VCL: variants seen among roughly 807,000 people sequenced by gnomAD.
VCL encodes epididymis luminal protein 114.
In VCL, 47 loss-of-function variants were observed where a neutral mutation model predicts 125.7. The observed-to-expected ratio is 0.37, with a 90% CI of 0.30 to 0.48. The LOEUF is 0.48. Among genes scored for constraint, VCL ranks in the 20% least tolerant of loss-of-function variants. The pLI, the probability that VCL is intolerant of heterozygous loss-of-function variation, is 0.99. For missense variants in VCL, 1,069 were observed against 1,455.5 expected, an observed-to-expected ratio of 0.73 and a Z score of 4.32; for synonymous variants, 458 against 514.6, an observed-to-expected ratio of 0.89 and a Z score of 1.49.
intron 1 of VCL, among the ~76,000 whole-genome samples, chr10:74,020,046 A>G (rs1840631306): frequency 6.6e-6 from 1 of 151,862 alleles, no homozygotes; most frequent in Non-Finnish European, 1.5e-5. Flanking sequence ...CTGGGCAACA[A>G]GAGTGAAACT....
chr10:74,052,931 G>T (rs1841330243), intron 2 of VCL, among the ~76,000 whole-genome samples: 1 of 91,238 alleles, frequency 1.1e-5, no homozygotes, highest in South Asian at 2.9e-4. Context: ...CTACCTGGCT[G>T]TGATGAAAAA....
At chr10:74,044,467 T>A (rs1412713856) in intron 2 of VCL, among the ~76,000 whole-genome samples, 1 of 152,200 alleles carries the variant, frequency 6.6e-6, no homozygotes, top group Non-Finnish European at 1.5e-5. Context: ...AATAAATATT[T>A]TATTTCAGTC....
chr10:74,005,600 CAT>C (rs1363637669), intron 1 of VCL, among the ~76,000 whole-genome samples: 2 of 152,148 alleles, frequency 1.3e-5, no homozygotes, highest in African/African-American at 4.8e-5. Context: ...AACATTTACT[CAT>C]GTGACTGAGA....
chr10:74,082,407 A>T, intron 6 of VCL, 47 bp from the exon 7 acceptor site: 1 of 1,599,224 alleles, frequency 6.3e-7, no homozygotes, highest in Non-Finnish European at 8.6e-7. Flanking sequence ...CTATCATGGT[A>T]TCTCAACTTT....
intron 18 of VCL, among the ~76,000 whole-genome samples, chr10:74,111,247 G>A (rs1404791907): frequency 6.6e-6 from 1 of 152,122 alleles, no homozygotes; most frequent in Non-Finnish European, 1.5e-5. Flanking sequence ...GTGACAGTGG[G>A]GTACTTAAGT....
At chr10:74,047,658 G>T (rs1841215682) in intron 2 of VCL, among the ~76,000 whole-genome samples, 1 of 152,148 alleles carries the variant, frequency 6.6e-6, no homozygotes, top group Non-Finnish European at 1.5e-5. Flanking sequence ...GTCAAGGCTA[G>T]AGAAAACAGA....
intron 1 of VCL, among the ~76,000 whole-genome samples, chr10:74,017,194 C>T (rs913900912): frequency 2.0e-5 from 3 of 149,958 alleles, no homozygotes; most frequent in Non-Finnish European, 4.4e-5. Flanking sequence ...ACTACAGGCG[C>T]CCGCCACTAC....
At chr10:74,083,260 T>G in intron 7 of VCL, 106 bp from the exon 8 acceptor site, 1 of 1,475,936 alleles carries the variant, frequency 6.8e-7, no homozygotes. Context: ...TTCACTCGTC[T>G]TGTTTAAAAT....
At position 74,057,082 on chromosome 10, in the gene VCL, A is replaced by G. The variant is rs139846143; in HGVS notation, c.240-13588A>G. Among the ~76,000 whole-genome samples the G allele has an allele frequency of 6.6e-3, 1,001 of 152,142 alleles. 12 individuals carry two copies. The highest frequency in any genetic ancestry group is 0.023 in the African/African-American group (951 of 41,510). On this transcript the variant is annotated intron_variant, in intron 2 of 21. Coordinates refer to ENST00000211998, the MANE Select transcript of VCL (RefSeq NM_014000.3). ...CTCAGCCTCCTGAATAGCTGGGGCTACAGGTACATGCCATCATGCATGGCT... is the reference window on the plus strand; with the variant it reads ...CTCAGCCTCCTGAATAGCTGGGGCTGCAGGTACATGCCATCATGCATGGCT...
intron 1 of VCL, among the ~76,000 whole-genome samples, chr10:74,026,100 G>C (rs1020504980): frequency 6.6e-6 from 1 of 152,192 alleles, no homozygotes; most frequent in Non-Finnish European, 1.5e-5. Flanking sequence ...TACCTGGCCT[G>C]CATCATATTG....
intron 19 of VCL, among the ~76,000 whole-genome samples, 198 bp downstream of exon 19, chr10:74,112,310 TTA>T (rs1840237870): frequency 6.6e-6 from 1 of 152,056 alleles, no homozygotes; most frequent in African/African-American, 2.4e-5. Flanking sequence ...TGGACTGCAT[TTA>T]TGTTTAGGGG....
intron 1 of VCL, among the ~76,000 whole-genome samples, chr10:74,029,405 G>A (rs1457779956): frequency 6.6e-6 from 1 of 152,162 alleles, no homozygotes; most frequent in Non-Finnish European, 1.5e-5. Context: ...GAGCCACTGC[G>A]CCTGGCCAGA....
intron 2 of VCL, among the ~76,000 whole-genome samples, chr10:74,049,718 A>G (rs1441662370): frequency 6.6e-6 from 1 of 152,174 alleles, no homozygotes; most frequent in Non-Finnish European, 1.5e-5. Context: ...AAAGGAATTT[A>G]GAATTGGGCA....
chr10:74,046,710 G>A (rs949118035), intron 2 of VCL, among the ~76,000 whole-genome samples: 10 of 152,178 alleles, frequency 6.6e-5, no homozygotes, highest in Admixed American at 3.3e-4. Context: ...TTTCACTATC[G>A]GGTAGGTAGT....
intron 21 of VCL, among the ~76,000 whole-genome samples, chr10:74,115,928 CCTT>C (rs1370314410): frequency 1.3e-5 from 2 of 152,204 alleles, no homozygotes; most frequent in African/African-American, 4.8e-5. Context: ...CCCTTACTCT[CCTT>C]ATTTCCCCTC....
chr10:74,117,944 C>T, intron 21 of VCL, 79 bp from the exon 22 acceptor site: 2 of 1,597,692 alleles, frequency 1.3e-6, no homozygotes, highest in African/African-American at 1.3e-5. Flanking sequence ...AGCTGCATCC[C>T]ACTCCTGGCT....
intron 2 of VCL, among the ~76,000 whole-genome samples, chr10:74,061,907 CT>C (rs11439344): frequency 4.7e-4 from 61 of 129,334 alleles, no homozygotes; most frequent in East Asian, 1.3e-3. Flanking sequence ...AACCAATCTA[CT>C]TTTTTTTTTT....
intron 17 of VCL, 113 bp from the exon 18 acceptor site, chr10:74,108,858 T>A (rs1840176900): frequency 2.5e-6 from 3 of 1,178,858 alleles, no homozygotes; most frequent in Non-Finnish European, 3.8e-6. Context: ...TGGGTGGTCT[T>A]ATGTGGAGTC....
intron 19 of VCL, 112 bp from the exon 20 acceptor site, chr10:74,114,072 C>T: frequency 4.0e-6 from 5 of 1,259,346 alleles, no homozygotes. Context: ...TCTCACCCTT[C>T]CGGAGGGATG....
Sources: allele counts gnomAD v4.1 joint callset (sites outside exome capture counted in the v4.1 genomes callset), GRCh38; gene constraint gnomAD v4.1.1; transcripts MANE v1.5; gene names NCBI Gene and HGNC (gene_info 2026-07-23, HGNC 2026-07-21).